MAGI3: variants seen among roughly 807,000 people sequenced by gnomAD.
The protein encoded by MAGI3 is membrane-associated guanylate kinase, WW and PDZ domain-containing protein 3.
MAGI3 carries 43 observed loss-of-function variants against 121.8 expected under a neutral mutation model. The ratio of observed to expected loss-of-function variants is 0.35; its 90% CI spans 0.28 to 0.46. The LOEUF (loss-of-function observed/expected upper bound fraction) is 0.46, where lower values mean the gene tolerates loss of function less well. MAGI3 is among the 20% of genes least tolerant of loss of function. MAGI3 has a pLI of 1.00. For synonymous variants in MAGI3, 553 were observed against 639.3 expected (o/e 0.86, Z 2.04); for missense variants, 1,547 against 1,797.3 (o/e 0.86, Z 2.52).
chr1:113,391,612 A>G lies in MAGI3; in HGVS notation c.316+263A>G, dbSNP rs1204223656. 1.3e-5 allele frequency among the ~76,000 whole-genome samples: 2 copies of G among 152,134 alleles called. No individual in the cohort carries two copies. Among genetic ancestry groups the G allele is most frequent in the Non-Finnish European group, 2.9e-5 (2 of 68,006 alleles). On this transcript the variant is annotated intron_variant, in intron 1 of 20. Coordinates refer to ENST00000307546, the MANE Select transcript of MAGI3 (RefSeq NM_001142782.2). This position sits in a 1 kb window ranked among gnomAD's most constrained non-coding sequence, Gnocchi z 4.4. ...ATTGCGACTAGAAGCTGGGTTTCCT[A>G]CATTTGTAGCTCCATCTCCCCCCGC... is the stretch of plus-strand genomic sequence containing the variant.
chr1:113,476,391 A>G lies in MAGI3; in HGVS notation c.317-73124A>G, dbSNP rs886847079. On this transcript the variant is annotated intron_variant, in intron 1 of 20. Transcript: ENST00000307546. ...TAAATTTCCCTCTACACACTGCTTT[A>G]AATGTGTCCCAGAGATTCTGGTAAG... Among the ~76,000 whole-genome samples, 3 of 152,150 alleles carry G rather than the reference A, an allele frequency of 2.0e-5. No individual in the cohort carries two copies. In the South Asian group the frequency reaches 6.2e-4, roughly 32 times the overall value.
At chr1:113,590,382 C>A in intron 4 of MAGI3, 102 bp from the exon 5 acceptor site, 1 of 1,130,228 alleles carries the variant, frequency 8.8e-7, no homozygotes, top group Non-Finnish European at 1.3e-6. Context: ...AGAAATTTGC[C>A]ATATTTATGT....
intron 1 of MAGI3, among the ~76,000 whole-genome samples, chr1:113,460,579 G>T (rs1654981039): frequency 6.6e-6 from 1 of 152,168 alleles, no homozygotes; most frequent in African/African-American, 2.4e-5. Flanking sequence ...GGAGGCCGAG[G>T]TGGGCGGATC....
intron 1 of MAGI3, among the ~76,000 whole-genome samples, chr1:113,539,650 G>T (rs1397915486): frequency 6.6e-6 from 1 of 151,902 alleles, no homozygotes; most frequent in Non-Finnish European, 1.5e-5. Context: ...CCACTAACTC[G>T]TCATCTAGCA....
At chr1:113,395,437 T>C (rs554878482) in intron 1 of MAGI3, among the ~76,000 whole-genome samples, 28 of 151,974 alleles carry the variant, frequency 1.8e-4, no homozygotes, top group Non-Finnish European at 3.5e-4. Context: ...GGTTCAGGTT[T>C]TGGATTCTGT....
chr1:113,471,300 A>G (rs1442159830), intron 1 of MAGI3, among the ~76,000 whole-genome samples: 3 of 152,248 alleles, frequency 2.0e-5, no homozygotes, highest in Non-Finnish European at 4.4e-5. Context: ...GTATGAACCT[A>G]GAATCACTAA....
chr1:113,512,523 G>T lies in MAGI3; in HGVS notation c.317-36992G>T, dbSNP rs541916037. Among the ~76,000 whole-genome samples the T allele has an allele frequency of 8.5e-5, 13 of 152,098 alleles. No homozygotes were observed. In the South Asian group the frequency reaches 2.5e-3, roughly 29 times the overall value. ...GGAGAGAAATAAAAATATGTTTTTG[G>T]GCATAAATTTTAAGATTTTTAAAGC... On this transcript the variant is annotated intron_variant, in intron 1 of 20. Coordinates refer to ENST00000307546, the MANE Select transcript of MAGI3 (RefSeq NM_001142782.2).
intron 1 of MAGI3, among the ~76,000 whole-genome samples, chr1:113,416,418 A>G (rs55851413): frequency 8.6e-6 from 1 of 116,870 alleles, no homozygotes; most frequent in Non-Finnish European, 1.7e-5. Context: ...AATAATTAAT[A>G]ATTAATAATA....
intron 8 of MAGI3, among the ~76,000 whole-genome samples, chr1:113,621,243 C>T (rs1650800674): frequency 1.3e-5 from 2 of 152,226 alleles, no homozygotes; most frequent in Admixed American, 1.3e-4. Context: ...GGTGTGGTTA[C>T]AGCATAGGGT....
rs928079139 is a variant in MAGI3 at position 113,567,748 on chromosome 1, A to G, written c.434-12794A>G. Among the ~76,000 whole-genome samples, 43 of 151,866 alleles carry G rather than the reference A, an allele frequency of 2.8e-4. 1 individual carries two copies. Among genetic ancestry groups the G allele is most frequent in the African/African-American group, 9.9e-4 (41 of 41,308 alleles). On this transcript the variant is annotated intron_variant, in intron 2 of 20. Coordinates refer to ENST00000307546, the MANE Select transcript of MAGI3 (RefSeq NM_001142782.2). ...AACTACCTCAACATAATAAAAGCTA[A>G]CATTATGCTTAACAGGAAAAGACAG... is the stretch of plus-strand genomic sequence containing the variant.
At chr1:113,418,930 T>C (rs1045227542) in intron 1 of MAGI3, among the ~76,000 whole-genome samples, 2 of 152,162 alleles carry the variant, frequency 1.3e-5, no homozygotes, top group Non-Finnish European at 1.5e-5. Context: ...CAATATATAT[T>C]ACAGTACATT....
At chr1:113,454,146 A>G (rs187343459) in intron 1 of MAGI3, among the ~76,000 whole-genome samples, 1 of 152,350 alleles carries the variant, frequency 6.6e-6, no homozygotes, top group Admixed American at 6.5e-5. Flanking sequence ...ATGTAGATGA[A>G]ATTCAAATAG....
chr1:113,414,566 T>A (rs542117287), intron 1 of MAGI3, among the ~76,000 whole-genome samples: 69 of 152,232 alleles, frequency 4.5e-4, no homozygotes, highest in African/African-American at 1.6e-3. Flanking sequence ...CTGTTATTGG[T>A]CTATTCAGAG....
chr1:113,658,471 TAA>T lies in MAGI3; in HGVS notation c.2630-605_2630-604del, dbSNP rs771093234. ...CAATTCCACTCAGCTTTTCAAATTT[TAA>T]AAAGAGCCAAAGGCATAAATAAGAG... On this transcript the variant is annotated intron_variant, in intron 15 of 20. Transcript: ENST00000307546. The surrounding 1 kb of genome is among the most constrained non-coding windows in gnomAD (Gnocchi z 4.0). Among the ~76,000 whole-genome samples the T allele has an allele frequency of 6.6e-6, 1 of 152,226 alleles. No homozygotes were observed. Among genetic ancestry groups the T allele is most frequent in the Non-Finnish European group, 1.5e-5 (1 of 68,036 alleles).
chr1:113,527,716 T>C (rs961506198), intron 1 of MAGI3, among the ~76,000 whole-genome samples: 10 of 152,200 alleles, frequency 6.6e-5, no homozygotes, highest in African/African-American at 2.2e-4. Flanking sequence ...TTTTCTGTTT[T>C]GGATCTGACT....
chr1:113,533,105 G>A (rs748414962), intron 1 of MAGI3, among the ~76,000 whole-genome samples: 21 of 152,076 alleles, frequency 1.4e-4, no homozygotes, highest in South Asian at 2.1e-4. Flanking sequence ...GCTAAATAAC[G>A]TAGTATTAGT....
intron 5 of MAGI3, 28 bp from the exon 6 acceptor site, chr1:113,594,453 G>C (rs746196290): frequency 6.4e-7 from 1 of 1,552,148 alleles, no homozygotes; most frequent in Admixed American, 1.8e-5. Flanking sequence ...TTATTTTACT[G>C]TTTCTAATTA....
rs1262507104 is a variant in MAGI3 at position 113,671,976 on chromosome 1, T to G, written c.2918+140T>G. 16 of 734,216 alleles carry G rather than the reference T, an allele frequency of 2.2e-5. No individual in the cohort carries two copies. The East Asian group carries it at 3.5e-4, about 16-fold the overall frequency. 45.5% of individuals were successfully genotyped at this position (734,216 alleles called of 1,614,324 possible). On this transcript the variant is annotated intron_variant, in intron 17 of 20. Transcript: ENST00000307546. ...CTGTTGAGGTCAAAATGACAACTCTTGCCTGTTCCTCAAATACCGTCCCCA... is the reference window on the plus strand; with the variant it reads ...CTGTTGAGGTCAAAATGACAACTCTGGCCTGTTCCTCAAATACCGTCCCCA...
At chr1:113,428,670 A>G (rs988227306) in intron 1 of MAGI3, among the ~76,000 whole-genome samples, 1 of 152,230 alleles carries the variant, frequency 6.6e-6, no homozygotes, top group Non-Finnish European at 1.5e-5. Flanking sequence ...CATGTAATCA[A>G]TAGGAAATTA....
Sources: allele counts gnomAD v4.1 joint callset (sites outside exome capture counted in the v4.1 genomes callset), GRCh38; gene constraint gnomAD v4.1.1; non-coding constraint Gnocchi (gnomAD v3.1); transcripts MANE v1.5; gene names NCBI Gene and HGNC (gene_info 2026-07-23, HGNC 2026-07-21).